Variants in GALNT9 observed in about 807,000 individuals in gnomAD.
GALNT9 encodes polypeptide N-acetylgalactosaminyltransferase 9, also known as GalNAc transferase 9.
GALNT9 carries 47 observed loss-of-function variants against 63.1 expected under a neutral mutation model. That is an observed-to-expected ratio of 0.75 (90% CI 0.59 to 0.95). The LOEUF is 0.95. GALNT9 is among the 40% of genes least tolerant of loss of function. GALNT9 has a pLI of 0.00. For missense variants in GALNT9, 829 were observed against 874.8 expected, an observed-to-expected ratio of 0.95 and a Z score of 0.66; for synonymous variants, 396 against 365.7, an observed-to-expected ratio of 1.08 and a Z score of -0.94.
Position 132,300,949 on chromosome 12 carries a change from G to A in GALNT9, c.239-14519C>T, listed in dbSNP as rs540220600. Among the ~76,000 whole-genome samples, 489 of 152,398 alleles carry A rather than the reference G, an allele frequency of 3.2e-3. 5 individuals carry two copies. Among genetic ancestry groups the A allele is most frequent in the Non-Finnish European group, 4.7e-3 (317 of 68,038 alleles). On this transcript the variant is annotated intron_variant, in intron 1 of 10. Transcript: ENST00000328957. ...GACCTCTCTCAATGCCATGGTGGGG[G>A]TGAAGCTTCCCATGTGGGGGCAGCG...
At chr12:132,322,529 G>A (rs1342000827) in intron 1 of GALNT9, among the ~76,000 whole-genome samples, 6 of 152,246 alleles carry the variant, frequency 3.9e-5, no homozygotes, top group African/African-American at 1.4e-4. Flanking sequence ...TTGCCCCACA[G>A]AAGGCTCCGG....
intron 7 of GALNT9, among the ~76,000 whole-genome samples, chr12:132,202,597 T>C (rs1001212752): frequency 6.6e-6 from 1 of 151,822 alleles, no homozygotes; most frequent in African/African-American, 2.4e-5. Flanking sequence ...AAGCGCTGTA[T>C]GTGGACAGAT....
intron 6 of GALNT9, among the ~76,000 whole-genome samples, chr12:132,211,029 C>T (rs1280131845): frequency 1.3e-5 from 2 of 152,078 alleles, no homozygotes; most frequent in African/African-American, 4.8e-5. Context: ...TGCCTGCCGC[C>T]GGCCTCAGTC....
At chr12:132,247,796 A>G in intron 6 of GALNT9, 114 bp downstream of exon 6, 1 of 1,483,328 alleles carries the variant, frequency 6.7e-7, no homozygotes, top group Non-Finnish European at 9.1e-7. Context: ...CTGCAGCCAC[A>G]CTCGCCCTCA....
Position 132,246,719 on chromosome 12 carries a change from G to C in GALNT9, c.1077+1191C>G, listed in dbSNP as rs1878717286. On this transcript the variant is annotated intron_variant, in intron 6 of 10. Coordinates refer to ENST00000328957, the MANE Select transcript of GALNT9 (RefSeq NM_001122636.2). This position sits in a 1 kb window ranked among gnomAD's most constrained non-coding sequence, Gnocchi z 4.7. Reference sequence around the variant, plus strand: ...GGTTAATTTTTGTATTTTTAGTAGAGGCAGGGTTTTACCATACTGGTCAGG... The same window carrying C: ...GGTTAATTTTTGTATTTTTAGTAGACGCAGGGTTTTACCATACTGGTCAGG... 6.6e-6 allele frequency among the ~76,000 whole-genome samples: 1 copy of C among 152,136 alleles called. No individual in the cohort carries two copies. Among genetic ancestry groups the C allele is most frequent in the Non-Finnish European group, 1.5e-5 (1 of 68,026 alleles).
At chr12:132,224,823 CCA>C (rs1181765208) in intron 6 of GALNT9, among the ~76,000 whole-genome samples, 1 of 145,670 alleles carries the variant, frequency 6.9e-6, no homozygotes, top group Non-Finnish European at 1.5e-5. Flanking sequence ...ACACACCCTC[CCA>C]CATACACACC....
At chr12:132,272,537 G>A (rs973798042) in intron 2 of GALNT9, among the ~76,000 whole-genome samples, 17 of 152,282 alleles carry the variant, frequency 1.1e-4, no homozygotes, top group African/African-American at 4.8e-5. Context: ...CTTACTTCAT[G>A]CCATTAATGT....
chr12:132,304,338 C>T (rs1402747585), intron 1 of GALNT9, among the ~76,000 whole-genome samples: 4 of 118,288 alleles, frequency 3.4e-5, no homozygotes, highest in African/African-American at 7.1e-5. Flanking sequence ...GACACACCCT[C>T]GCCTGGGCAC....
At position 132,319,241 on chromosome 12, in the gene GALNT9, G is replaced by A. The variant is rs1868668261; in HGVS notation, c.238+9725C>T. ...GCGAGATTTGAGTCTGAATCAGGGG[G>A]CTGAGGAAGAAAGGTCTGTCCTCCC... On this transcript the variant is annotated intron_variant, in intron 1 of 10. Transcript: ENST00000328957. The surrounding 1 kb of genome is among the most constrained non-coding windows in gnomAD (Gnocchi z 5.2). 6.6e-6 allele frequency among the ~76,000 whole-genome samples: 1 copy of A among 152,158 alleles called. No homozygotes were observed. The highest frequency in any genetic ancestry group is 2.4e-5 in the African/African-American group (1 of 41,446).
intron 2 of GALNT9, among the ~76,000 whole-genome samples, chr12:132,272,231 G>T (rs1326253367): frequency 1.3e-5 from 2 of 152,208 alleles, no homozygotes; most frequent in Admixed American, 6.5e-5. Flanking sequence ...CCTGGCCCAG[G>T]TCTCACAACG....
Position 132,302,029 on chromosome 12 carries a change from C to T in GALNT9, c.239-15599G>A, listed in dbSNP as rs538301276. Among the ~76,000 whole-genome samples the T allele has an allele frequency of 2.7e-4, 41 of 152,262 alleles. No individual in the cohort carries two copies. In the South Asian group the frequency reaches 8.3e-3, roughly 31 times the overall value. ...GTGTTTATCACTTATTTATTAATTA[C>T]ATATTTAGGATTGCTTATTTCAGAA... On this transcript the variant is annotated intron_variant, in intron 1 of 10. Transcript: ENST00000328957.
chr12:132,302,779 G>A (rs560047155), intron 1 of GALNT9, among the ~76,000 whole-genome samples: 22 of 152,232 alleles, frequency 1.4e-4, no homozygotes, highest in African/African-American at 3.9e-4. Context: ...GAGTGGCTGC[G>A]CATGCAGGTC....
intron 1 of GALNT9, among the ~76,000 whole-genome samples, chr12:132,313,801 CCCA>C: frequency 8.5e-6 from 1 of 117,264 alleles, no homozygotes; most frequent in Admixed American, 8.7e-5. Context: ...CATCCACCCA[CCCA>C]TCCACCCATC....
At chr12:132,261,218 T>G in intron 3 of GALNT9, 96 bp from the exon 4 acceptor site, 1 of 1,515,632 alleles carries the variant, frequency 6.6e-7, no homozygotes, top group Non-Finnish European at 8.8e-7. Context: ...GCGTGTGGGA[T>G]GGGTGTATTG....
At chr12:132,294,007 T>A (rs1269113859) in intron 1 of GALNT9, among the ~76,000 whole-genome samples, 1 of 152,270 alleles carries the variant, frequency 6.6e-6, no homozygotes, top group Non-Finnish European at 1.5e-5. Context: ...TGAATGGCCG[T>A]GGAAGACCAC....
chr12:132,321,151 C>T (rs1322561004), intron 1 of GALNT9, among the ~76,000 whole-genome samples: 9 of 152,180 alleles, frequency 5.9e-5, no homozygotes, highest in Admixed American at 3.3e-4. Context: ...CCACCTGTGT[C>T]AGCCCTGACT....
chr12:132,311,830 G>A (rs1463414944), intron 1 of GALNT9, among the ~76,000 whole-genome samples: 1 of 152,216 alleles, frequency 6.6e-6, no homozygotes, highest in Non-Finnish European at 1.5e-5. Flanking sequence ...GAGTGTGGAG[G>A]GTGGAGGGGA....
intron 2 of GALNT9, among the ~76,000 whole-genome samples, chr12:132,271,492 T>G (rs1449468986): frequency 6.6e-6 from 1 of 152,134 alleles, no homozygotes; most frequent in Non-Finnish European, 1.5e-5. Context: ...CCAGGACAGA[T>G]CCACCAAGCC....
intron 1 of GALNT9, among the ~76,000 whole-genome samples, chr12:132,318,985 C>A (rs140885585): frequency 6.6e-6 from 1 of 152,240 alleles, no homozygotes; most frequent in Non-Finnish European, 1.5e-5. Flanking sequence ...TCATGCACAC[C>A]GGGCAGCTGC....
Sources: gnomAD v4.1 joint callset for allele counts (sites outside exome capture counted in the v4.1 genomes callset) on GRCh38, gnomAD v4.1.1 for gene constraint, Gnocchi (gnomAD v3.1) non-coding constraint, MANE v1.5 for transcripts, NCBI Gene and HGNC (gene_info 2026-07-23, HGNC 2026-07-21) for gene names.